GALNT10: variants seen among roughly 807,000 people sequenced by gnomAD.
GALNT10 encodes the protein polypeptide N-acetylgalactosaminyltransferase 10.
Under a neutral mutation model 75.0 loss-of-function variants are expected in GALNT10, and 41 were observed. The observed-to-expected ratio is 0.55, with a 90% confidence interval of 0.43 to 0.71. GALNT10 has a LOEUF of 0.71. GALNT10 is among the 30% of genes least tolerant of loss of function. The pLI is 0.00. For missense variants in GALNT10, 727 were observed against 818.5 expected, an observed-to-expected ratio of 0.89 and a Z score of 1.36; for synonymous variants, 302 against 313.0, an observed-to-expected ratio of 0.96 and a Z score of 0.37.
chr5:154,226,420 T>C (rs1182654071), intron 1 of GALNT10, among the ~76,000 whole-genome samples: 1 of 152,228 alleles, frequency 6.6e-6, no homozygotes, highest in African/African-American at 2.4e-5. Context: ...CCATGTTTGC[T>C]TGGGAATATC....
At chr5:154,254,798 C>G (rs745465919) in intron 1 of GALNT10, among the ~76,000 whole-genome samples, 20 of 152,012 alleles carry the variant, frequency 1.3e-4, no homozygotes, top group Non-Finnish European at 2.6e-4. Flanking sequence ...TCGAAATGAC[C>G]AAAACAATAA....
intron 4 of GALNT10, among the ~76,000 whole-genome samples, chr5:154,334,963 G>A (rs983131301): frequency 3.9e-5 from 6 of 152,084 alleles, no homozygotes; most frequent in Non-Finnish European, 7.4e-5. Context: ...AACACATCAC[G>A]GAAATCCATT....
chr5:154,337,415 C>T (rs183928801), intron 4 of GALNT10: 10 of 617,818 alleles, frequency 1.6e-5, no homozygotes, highest in East Asian at 6.5e-5. Context: ...GTAGCTTCCC[C>T]GTCACTTCTC....
chr5:154,223,689 G>A (rs1356618194), intron 1 of GALNT10, among the ~76,000 whole-genome samples: 1 of 152,160 alleles, frequency 6.6e-6, no homozygotes, highest in Non-Finnish European at 1.5e-5. Context: ...GGAGGCTGAG[G>A]CGGGTGGATC....
Position 154,417,117 on chromosome 5 carries a change from G to T in GALNT10, c.*145G>T. The T allele has an allele frequency of 1.4e-6, 1 of 691,226 alleles. No homozygotes were observed. 42.8% of individuals were successfully genotyped at this position (691,226 alleles called of 1,614,324 possible). ...GGTGAAGAGGGCTCTTGATTCAGGGGCTGGGGTCTGCCTGGTCCTTGAGCC... is the reference window on the plus strand; with the variant it reads ...GGTGAAGAGGGCTCTTGATTCAGGGTCTGGGGTCTGCCTGGTCCTTGAGCC... On this transcript the variant is annotated 3_prime_UTR_variant, in exon 12 of 12. Coordinates refer to ENST00000297107, the MANE Select transcript of GALNT10 (RefSeq NM_198321.4).
At chr5:154,328,629 T>C (rs1391947665) in intron 3 of GALNT10, among the ~76,000 whole-genome samples, 4 of 152,118 alleles carry the variant, frequency 2.6e-5, no homozygotes, top group African/African-American at 9.7e-5. Context: ...TAGAGTCAGA[T>C]CCCACAGGTA....
At chr5:154,385,134 G>C (rs1755789896) in intron 6 of GALNT10, among the ~76,000 whole-genome samples, 1 of 152,156 alleles carries the variant, frequency 6.6e-6, no homozygotes, top group South Asian at 2.1e-4. Flanking sequence ...CCAGGAGGGG[G>C]AATGGAGGTT....
chr5:154,324,731 C>T (rs572974028), intron 3 of GALNT10, among the ~76,000 whole-genome samples: 68 of 152,028 alleles, frequency 4.5e-4, no homozygotes, highest in African/African-American at 1.4e-3. Context: ...CCAGAGAATC[C>T]GCATTTCTAA....
chr5:154,284,185 T>C (rs1754081192), intron 1 of GALNT10, among the ~76,000 whole-genome samples: 1 of 152,224 alleles, frequency 6.6e-6, no homozygotes, highest in African/African-American at 2.4e-5. Context: ...ATAATAACCT[T>C]TATGCTAGGT....
intron 4 of GALNT10, chr5:154,349,672 C>T (rs1194106121): frequency 6.6e-6 from 1 of 152,092 alleles, no homozygotes; most frequent in Admixed American, 6.6e-5. Flanking sequence ...TGGGATTGTG[C>T]TTATGAATAG....
intron 1 of GALNT10, among the ~76,000 whole-genome samples, chr5:154,271,928 G>C (rs973765355): frequency 2.6e-5 from 4 of 152,130 alleles, no homozygotes; most frequent in African/African-American, 9.7e-5. Context: ...ATGAAATGAG[G>C]CCCTTCACGT....
intron 4 of GALNT10, among the ~76,000 whole-genome samples, chr5:154,344,979 G>T (rs149400275): frequency 6.6e-6 from 1 of 152,138 alleles, no homozygotes; most frequent in African/African-American, 2.4e-5. Context: ...CATAGCCCCC[G>T]AGTCCAGGCT....
intron 1 of GALNT10, among the ~76,000 whole-genome samples, chr5:154,236,129 G>A (rs1048134649): frequency 1.3e-5 from 2 of 152,102 alleles, no homozygotes; most frequent in African/African-American, 4.8e-5. Context: ...GTCAAAACCT[G>A]AGCTCTAAAG....
intron 1 of GALNT10, among the ~76,000 whole-genome samples, chr5:154,217,665 C>T (rs1015820361): frequency 5.9e-5 from 9 of 152,184 alleles, no homozygotes; most frequent in African/African-American, 2.2e-4. Flanking sequence ...ACACCCCTGT[C>T]ACCAAAACAA....
intron 1 of GALNT10, among the ~76,000 whole-genome samples, chr5:154,258,618 G>A (rs905060579): frequency 3.9e-5 from 6 of 152,140 alleles, no homozygotes; most frequent in African/African-American, 7.2e-5. Context: ...TCACTTACAC[G>A]GATGTGGGCT....
At chr5:154,347,425 G>A (rs1755145986) in intron 4 of GALNT10, among the ~76,000 whole-genome samples, 1 of 151,334 alleles carries the variant, frequency 6.6e-6, no homozygotes, top group South Asian at 2.1e-4. Context: ...GTGCAATGAT[G>A]CAACCATAGC....
intron 1 of GALNT10, among the ~76,000 whole-genome samples, chr5:154,230,467 A>G (rs900181216): frequency 2.6e-5 from 4 of 152,232 alleles, no homozygotes; most frequent in African/African-American, 9.6e-5. Context: ...CACAGGGCAC[A>G]GATAAGGGGA....
At chr5:154,397,230 C>T (rs1756038827) in intron 7 of GALNT10, among the ~76,000 whole-genome samples, 2 of 149,860 alleles carry the variant, frequency 1.3e-5, no homozygotes, top group Admixed American at 1.3e-4. Context: ...AGTAAACATC[C>T]AAAACCAGCA....
At chr5:154,369,527 C>A (rs1322027232) in intron 4 of GALNT10, among the ~76,000 whole-genome samples, 1 of 152,146 alleles carries the variant, frequency 6.6e-6, no homozygotes, top group African/African-American at 2.4e-5. Flanking sequence ...CTTAACATTT[C>A]CTTTGGTTGG....
Sources: allele counts gnomAD v4.1 joint callset (sites outside exome capture counted in the v4.1 genomes callset), GRCh38; gene constraint gnomAD v4.1.1; transcripts MANE v1.5; gene names NCBI Gene and HGNC (gene_info 2026-07-23, HGNC 2026-07-21).